KCNJ10: variants seen among roughly 807,000 people sequenced by gnomAD.
KCNJ10 encodes the protein ATP-sensitive inward rectifier potassium channel 10.
A neutral mutation model predicts 22.2 loss-of-function variants in KCNJ10; 9 were observed. The ratio of observed to expected loss-of-function variants is 0.40; its 90% CI spans 0.24 to 0.71. The LOEUF is 0.71. Among genes scored for constraint, KCNJ10 ranks in the 30% least tolerant of loss-of-function variants. The pLI, the probability that KCNJ10 is intolerant of heterozygous loss-of-function variation, is 0.35. For missense variants in KCNJ10, 337 were observed against 482.7 expected, an observed-to-expected ratio of 0.70 and a Z score of 2.83; for synonymous variants, 184 against 187.3, an observed-to-expected ratio of 0.98 and a Z score of 0.15.
In KCNJ10 at chr1:160,042,502, G is replaced by T; in HGVS notation, c.31C>A (p.Gln11Lys). 1 of 1,614,128 alleles carries T rather than the reference G, an allele frequency of 6.2e-7. No homozygotes were observed. ...GGCCGGCTTTCTGTCTGAGTGGTCTGACTGTAATACACCTTGGCAACTGAC... is the reference window on the plus strand; with the variant it reads ...GGCCGGCTTTCTGTCTGAGTGGTCTTACTGTAATACACCTTGGCAACTGAC... MTSVAKVYYS[Q>K]TTQTESRPLM... The change falls in exon 2 of 2, where the codon CAG (glutamine) becomes AAG (lysine). Residue 11 changes from glutamine (Q) to lysine (K), a missense_variant. Gln to Lys is a moderately conservative substitution (Grantham distance 53). Transcript: ENST00000644903.
chr1:160,053,091 G>A (rs1253551531), intron 1 of KCNJ10, among the ~76,000 whole-genome samples: 1 of 152,118 alleles, frequency 6.6e-6, no homozygotes, highest in Admixed American at 6.5e-5. Context: ...AGGACACATT[G>A]CGAGGTCAGT....
chr1:160,068,536 G>A (rs1649378940), intron 1 of KCNJ10, among the ~76,000 whole-genome samples: 1 of 152,146 alleles, frequency 6.6e-6, no homozygotes, highest in Non-Finnish European at 1.5e-5. Context: ...GGCACTGCCT[G>A]GGCCGTGCCT....
chr1:160,068,727 A>C (rs1464441441), intron 1 of KCNJ10, among the ~76,000 whole-genome samples: 1 of 152,248 alleles, frequency 6.6e-6, no homozygotes, highest in Non-Finnish European at 1.5e-5. Context: ...CACTTGGCAC[A>C]GGATGGTACC....
Position 160,041,239 on chromosome 1 carries a change from T to C in KCNJ10, c.*154A>G. ...AGTGGGAGGCGAACCTGGACTCCAG[T>C]TGGCCTAAGCTACCAACAGGCCACT... On this transcript the variant is annotated 3_prime_UTR_variant, in exon 2 of 2. Transcript: ENST00000644903. This position sits in a 1 kb window ranked among gnomAD's most constrained non-coding sequence, Gnocchi z 4.4. 2 of 734,298 alleles carry C rather than the reference T, an allele frequency of 2.7e-6. No homozygotes were observed. The highest frequency in any genetic ancestry group is 4.6e-6 in the Non-Finnish European group (2 of 432,964). 45.5% of individuals were successfully genotyped at this position (734,298 alleles called of 1,614,324 possible).
rs564143094 is a variant in KCNJ10 at position 160,044,204 on chromosome 1, C to T, written c.1-1672G>A. Among the ~76,000 whole-genome samples the T allele has an allele frequency of 2.0e-5, 3 of 152,276 alleles. No homozygotes were observed. The East Asian group carries it at 5.8e-4, about 29-fold the overall frequency. On this transcript the variant is annotated intron_variant, in intron 1 of 1. Coordinates refer to ENST00000644903, the MANE Select transcript of KCNJ10 (RefSeq NM_002241.5). ...AATTTACCAGCCCTGTGTCACAGGC[C>T]ATTTGGAACTTCCGTTCATGCAAGA...
At chr1:160,046,852 A>G (rs186019622) in intron 1 of KCNJ10, among the ~76,000 whole-genome samples, 4 of 152,264 alleles carry the variant, frequency 2.6e-5, no homozygotes, top group Admixed American at 2.6e-4. Flanking sequence ...AAAATAAAAC[A>G]TACTCTTTCC....
chr1:160,061,797 C>T (rs2101934671), intron 1 of KCNJ10, among the ~76,000 whole-genome samples: 1 of 151,182 alleles, frequency 6.6e-6, no homozygotes, highest in South Asian at 2.1e-4. Flanking sequence ...GGTGCATATG[C>T]CAGGAGGTGG....
At chr1:160,057,601 C>T (rs1649071778) in intron 1 of KCNJ10, among the ~76,000 whole-genome samples, 1 of 152,350 alleles carries the variant, frequency 6.6e-6, no homozygotes, top group East Asian at 1.9e-4. Context: ...CTGCCCCCAG[C>T]CTCAGGAGTA....
At chr1:160,047,034 G>A (rs1571268152) in intron 1 of KCNJ10, among the ~76,000 whole-genome samples, 1 of 152,170 alleles carries the variant, frequency 6.6e-6, no homozygotes, top group Non-Finnish European at 1.5e-5. Flanking sequence ...CATAGCTACA[G>A]TGATGATCAG....
At chr1:160,061,769 A>T (rs932457746) in intron 1 of KCNJ10, among the ~76,000 whole-genome samples, 1 of 15,252 alleles carries the variant, frequency 6.6e-5, no homozygotes, top group African/African-American at 2.6e-4. Context: ...GGTGGGGTGG[A>T]GGGAGGGTGG....
rs549689990 is a variant in KCNJ10, at chr1:160,065,951, T to A, written c.-1+4071A>T. 3.2e-4 allele frequency among the ~76,000 whole-genome samples: 48 copies of A among 151,810 alleles called. No individual in the cohort carries two copies. In the Middle Eastern group the frequency reaches 0.01, roughly 32 times the overall value. ...CAGGCTGATGGGATGAACAAGCCAA[T>A]CAGGAGACACAAGAAGAGAAGGGCA... On this transcript the variant is annotated intron_variant, in intron 1 of 1. Coordinates refer to ENST00000644903, the MANE Select transcript of KCNJ10 (RefSeq NM_002241.5).
intron 1 of KCNJ10, chr1:160,063,698 G>A (rs1470384295): frequency 2.0e-5 from 3 of 152,194 alleles, no homozygotes; most frequent in South Asian, 2.1e-4. Context: ...TCCTGGGTTC[G>A]GGGCCCAACA....
At chr1:160,062,042 C>T in intron 1 of KCNJ10, among the ~76,000 whole-genome samples, 1 of 152,028 alleles carries the variant, frequency 6.6e-6, no homozygotes, top group East Asian at 1.9e-4. Context: ...CCTTCCCCTT[C>T]TCAGGCCTCA....
intron 1 of KCNJ10, among the ~76,000 whole-genome samples, chr1:160,049,326 A>G (rs992434792): frequency 1.3e-5 from 2 of 152,014 alleles, no homozygotes; most frequent in African/African-American, 4.8e-5. Flanking sequence ...CTTTTCTGCT[A>G]TGGCACACTG....
At position 160,039,498 on chromosome 1, in the gene KCNJ10, G is replaced by T. The variant is rs1299161918; in HGVS notation, c.*1895C>A. 6.6e-6 allele frequency: 1 copy of T among 151,822 alleles called. No individual in the cohort carries two copies. Among genetic ancestry groups the T allele is most frequent in the Non-Finnish European group, 1.5e-5 (1 of 67,998 alleles). The allele number at this position is 151,822 out of a possible 1,614,324, so 9.4% of individuals were successfully genotyped here. Reference sequence around the variant, plus strand: ...GTTGAATAAAGTTGAGAACGCAGAAGCTGGCTCTTGGCCTTCTGTTCTCTG... The same window carrying T: ...GTTGAATAAAGTTGAGAACGCAGAATCTGGCTCTTGGCCTTCTGTTCTCTG... On this transcript the variant is annotated 3_prime_UTR_variant, in exon 2 of 2. Coordinates refer to ENST00000644903, the MANE Select transcript of KCNJ10 (RefSeq NM_002241.5).
chr1:160,048,814 C>G (rs1195958862), intron 1 of KCNJ10, among the ~76,000 whole-genome samples: 1 of 151,896 alleles, frequency 6.6e-6, no homozygotes, highest in Non-Finnish European at 1.5e-5. Flanking sequence ...TTATTTGTGC[C>G]TCCTCTCCTT....
intron 1 of KCNJ10, among the ~76,000 whole-genome samples, chr1:160,048,117 C>T (rs892982482): frequency 6.7e-6 from 1 of 149,440 alleles, no homozygotes; most frequent in African/African-American, 2.5e-5. Flanking sequence ...CATCTTTGTG[C>T]TCCTAATTTA....
chr1:160,063,824 C>A (rs1410950320), intron 1 of KCNJ10, among the ~76,000 whole-genome samples: 9 of 152,216 alleles, frequency 5.9e-5, no homozygotes, highest in Non-Finnish European at 1.3e-4. Flanking sequence ...GGACAATGCG[C>A]AGTGGATTCA....
chr1:160,039,461 G>GGTAA lies in KCNJ10; in HGVS notation c.*1928_*1931dup, dbSNP rs1360195694. 6.7e-6 allele frequency: 1 copy of GGTAA among 150,316 alleles called. No individual in the cohort carries two copies. Among genetic ancestry groups the GGTAA allele is most frequent in the Non-Finnish European group, 1.5e-5 (1 of 67,922 alleles). The allele number at this position is 150,316 out of a possible 1,614,324, so 9.3% of individuals were successfully genotyped here. A position where few individuals can be genotyped will look rare whatever the true frequency, so the allele number is the denominator to read the frequency against. ...TGTCCCTACACACTGAAAGAAATAA[G>GGTAA]GTAAGTCTAATGTTGAATAAAGTTG... On this transcript the variant is annotated 3_prime_UTR_variant, in exon 2 of 2. Transcript: ENST00000644903.
Sources: gnomAD v4.1 joint callset for allele counts (sites outside exome capture counted in the v4.1 genomes callset) on GRCh38, gnomAD v4.1.1 for gene constraint, Gnocchi (gnomAD v3.1) non-coding constraint, MANE v1.5 for transcripts, NCBI Gene and HGNC (gene_info 2026-07-23, HGNC 2026-07-21) for gene names.